CCDC14: variants seen among roughly 807,000 people sequenced by gnomAD.
CCDC14 encodes the protein coiled-coil domain-containing protein 14.
In CCDC14, 71 loss-of-function variants were observed where a neutral mutation model predicts 81.4. The observed-to-expected ratio is 0.87, with a 90% CI of 0.72 to 1.06. The LOEUF (loss-of-function observed/expected upper bound fraction) is 1.06, where lower values mean the gene tolerates loss of function less well. Ranked by LOEUF, CCDC14 falls within the 50% of genes least tolerant of loss-of-function variation. The pLI, the probability that CCDC14 is intolerant of heterozygous loss-of-function variation, is 0.00. For missense variants in CCDC14, 1,046 were observed against 1,047.3 expected, an observed-to-expected ratio of 1.00 and a Z score of 0.02; for synonymous variants, 332 against 364.8, an observed-to-expected ratio of 0.91 and a Z score of 1.03.
intron 12 of CCDC14, among the ~76,000 whole-genome samples, chr3:123,929,474 G>A (rs1468017211): frequency 6.6e-6 from 1 of 151,744 alleles, no homozygotes; most frequent in Non-Finnish European, 1.5e-5. Flanking sequence ...AGCTAACTTT[G>A]GTATTTTTTG....
downstream of CCDC14, among the ~76,000 whole-genome samples, chr3:123,908,689 C>T (rs780497930): frequency 2.4e-4 from 36 of 152,036 alleles, no homozygotes; most frequent in Non-Finnish European, 3.1e-4. Flanking sequence ...GTTTTGTCAT[C>T]CATTATTTTT....
At chr3:123,926,754 T>C (rs2035387742) in intron 12 of CCDC14, among the ~76,000 whole-genome samples, 1 of 152,102 alleles carries the variant, frequency 6.6e-6, no homozygotes, top group East Asian at 1.9e-4. Context: ...CTTGTACATG[T>C]ACCTTTCAGT....
At chr3:123,944,159 T>C (rs1215638306) in intron 9 of CCDC14, among the ~76,000 whole-genome samples, 3 of 152,044 alleles carry the variant, frequency 2.0e-5, no homozygotes, top group Non-Finnish European at 4.4e-5. Context: ...GCAGAACTGA[T>C]TGTTTGCTTG....
chr3:123,903,809 A>AC (rs1419028892), intron 5 of CCDC14, among the ~76,000 whole-genome samples: 2 of 152,046 alleles, frequency 1.3e-5, no homozygotes, highest in African/African-American at 2.4e-5. Context: ...CGGAGTAAAA[A>AC]GTTCCCATGG....
rs2037517990 is a variant in CCDC14 at position 123,959,121 on chromosome 3, T to G, written c.30+2023A>C. Among the ~76,000 whole-genome samples, 5 of 152,372 alleles carry G rather than the reference T, an allele frequency of 3.3e-5. No homozygotes were observed. In the South Asian group the frequency reaches 1.0e-3, roughly 32 times the overall value. On this transcript the variant is annotated intron_variant, in intron 1 of 12. Coordinates refer to ENST00000409697, the MANE Select transcript of CCDC14 (RefSeq NM_001366335.1). ...ATGAACACAAGAGTGCAAATATCTC[T>G]TCTATATCCTGATTTCAATTCTTTT...
downstream of CCDC14, among the ~76,000 whole-genome samples, chr3:123,896,656 G>A (rs1054058558): frequency 1.3e-5 from 2 of 151,912 alleles, no homozygotes; most frequent in Admixed American, 6.6e-5. Context: ...GGTGGGAAGG[G>A]GTTAAAATCT....
intron 12 of CCDC14, among the ~76,000 whole-genome samples, chr3:123,920,217 G>T (rs1577234985): frequency 6.6e-6 from 1 of 151,988 alleles, no homozygotes; most frequent in South Asian, 2.1e-4. Flanking sequence ...GTCAGAAGAG[G>T]AAATAAATCA....
chr3:123,928,195 T>C (rs2035479952), intron 12 of CCDC14, among the ~76,000 whole-genome samples: 1 of 151,930 alleles, frequency 6.6e-6, no homozygotes, highest in Admixed American at 6.6e-5. Context: ...GCAATGCATT[T>C]ACTTAAAAAA....
Position 123,946,844 on chromosome 3 carries a change from T to C in CCDC14, c.1160A>G (p.Lys387Arg). 6.2e-7 allele frequency: 1 copy of C among 1,613,892 alleles called. No homozygotes were observed. The change falls in exon 8 of 13, where the codon AAA becomes AGA. Residue 387 changes from lysine to arginine, a missense_variant. Lys to Arg is a conservative substitution (Grantham distance 26). Transcript: ENST00000409697. ...NKTAEKVRII[K>R]YLLGELKALV... The stretch of plus-strand genomic sequence containing the variant: ...GGCCTTGAGCTCTCCCAACAAATAT[T>C]TTATAATTCTAACTTTTTCAGCTGT...
At position 123,913,505 on chromosome 3, in the gene CCDC14, A is replaced by G. The variant is rs187965362; in HGVS notation, c.*1274T>C. The G allele has an allele frequency of 2.0e-5, 20 of 980,866 alleles. No individual in the cohort carries two copies. The Admixed American group carries it at 1.1e-3, about 54-fold the overall frequency. The allele number at this position is 980,866 out of a possible 1,614,324, so 60.8% of individuals were successfully genotyped here. ...TATTACCTCCAAATAAGATGCCAAT[A>G]AATTAATTCATGAATACTAAATAAA... On this transcript the variant is annotated 3_prime_UTR_variant, in exon 13 of 13. Transcript: ENST00000409697.
chr3:123,928,540 C>T (rs2035520140), intron 12 of CCDC14, among the ~76,000 whole-genome samples: 3 of 151,756 alleles, frequency 2.0e-5, no homozygotes, highest in Admixed American at 1.3e-4. Context: ...AAAGATGTAT[C>T]CCTACATATG....
At chr3:123,909,062 T>C (rs764717925), downstream of CCDC14, among the ~76,000 whole-genome samples, 6 of 152,130 alleles carry the variant, frequency 3.9e-5, no homozygotes, top group Admixed American at 1.3e-4. Flanking sequence ...AACAAACTAC[T>C]ACCCTCCAAG....
chr3:123,956,902 C>A, intron 1 of CCDC14, 107 bp from the exon 2 acceptor site: 1 of 673,960 alleles, frequency 1.5e-6, no homozygotes, highest in South Asian at 2.2e-5. Context: ...TTCATCTTCT[C>A]AAACTGAAAC....
chr3:123,952,779 T>G (rs185078791), intron 5 of CCDC14: 1 of 260,858 alleles, frequency 3.8e-6, no homozygotes, highest in Admixed American at 3.5e-5. Context: ...TAAAGTTCTT[T>G]ATGATTACTT....
Position 123,947,238 on chromosome 3 carries a change from A to G in CCDC14, c.766T>C (p.Ser256Pro). ...GGAACTCCAGGACTGGTATTAAATG[A>G]ATTCCGTAGAACATCAGTACAGGTT... ...SATCTDVLRNSFNTSPGVPCS... is the reference protein window; with the variant it reads ...SATCTDVLRNPFNTSPGVPCS... Residue 256 changes from serine (S) to proline (P), a missense_variant, in exon 8 of 13, where the codon TCA becomes CCA. Ser to Pro is a moderately conservative substitution (Grantham distance 74, BLOSUM62 -1). Transcript: ENST00000409697. 6.2e-7 allele frequency: 1 copy of G among 1,613,942 alleles called. No individual in the cohort carries two copies. The highest frequency in any genetic ancestry group is 8.5e-7 in the Non-Finnish European group (1 of 1,179,856).
At position 123,929,661 on chromosome 3, in the gene CCDC14, TATATTC is replaced by T. The variant is rs1191038523; in HGVS notation, c.1778+1435_1778+1440del. Among the ~76,000 whole-genome samples, 13 of 152,308 alleles carry T rather than the reference TATATTC, an allele frequency of 8.5e-5. No homozygotes were observed. In the East Asian group the frequency reaches 2.3e-3, roughly 27 times the overall value. On this transcript the variant is annotated intron_variant, in intron 12 of 12. Transcript: ENST00000409697. ...AAGTGCAAAATTTGGTGGTTATTAG[TATATTC>T]ATAGAGTTGAGAACTGTCACCACTA... is the stretch of plus-strand genomic sequence containing the variant.
rs2035944928 is a variant in CCDC14 at position 123,934,405 on chromosome 3, T to A, written c.1344-650A>T. ...CTCATGCTGTTTCTCATCGTCTTTC[T>A]GTGTATCTTCATCACTGTAGTTAAT... On this transcript the variant is annotated intron_variant, in intron 9 of 12. Transcript: ENST00000409697. Among the ~76,000 whole-genome samples the A allele has an allele frequency of 2.0e-5, 3 of 149,314 alleles. No individual in the cohort carries two copies. The South Asian group carries it at 6.3e-4, about 31-fold the overall frequency.
chr3:123,916,780 T>A (rs529794532), intron 12 of CCDC14, among the ~76,000 whole-genome samples: 2 of 152,272 alleles, frequency 1.3e-5, no homozygotes, highest in East Asian at 3.9e-4. Context: ...GGTTTCAGTC[T>A]AAGTGGGTGT....
In CCDC14 at chr3:123,944,997, A is replaced by C; in HGVS notation, c.1202-7T>G. On this transcript the variant is annotated splice_region_variant and splice_polypyrimidine_tract_variant and intron_variant, in intron 8 of 12. Coordinates refer to ENST00000409697, the MANE Select transcript of CCDC14 (RefSeq NM_001366335.1). ...CTCTGAATTTCTGAATCCTCTATAG[A>C]AGGCAACAGAAATGAGTAAAATCAA... 1 of 1,575,948 alleles carries C rather than the reference A, an allele frequency of 6.3e-7. No homozygotes were observed. Among genetic ancestry groups the C allele is most frequent in the Non-Finnish European group, 8.7e-7 (1 of 1,153,678 alleles).
Sources: allele counts gnomAD v4.1 joint callset (sites outside exome capture counted in the v4.1 genomes callset), GRCh38; gene constraint gnomAD v4.1.1; transcripts MANE v1.5; gene names NCBI Gene and HGNC (gene_info 2026-07-23, HGNC 2026-07-21).